The following FRMD4A variants were observed in gnomAD, a reference collection of about 807,000 sequenced individuals.
FRMD4A encodes FERM domain-containing protein 4A.
In FRMD4A, 29 loss-of-function variants were observed where a neutral mutation model predicts 129.1. The observed-to-expected ratio is 0.22, with a 90% CI of 0.17 to 0.31. The LOEUF is 0.31. Among genes scored for constraint, FRMD4A ranks in the 10% least tolerant of loss-of-function variants. The pLI is 1.00. For synonymous variants in FRMD4A, 634 were observed against 571.6 expected, an observed-to-expected ratio of 1.11 and a Z score of -1.56; for missense variants, 1,272 against 1,375.8, an observed-to-expected ratio of 0.92 and a Z score of 1.19.
intron 2 of FRMD4A, among the ~76,000 whole-genome samples, chr10:13,997,012 CAAAACA>C (rs2095624964): frequency 1.2e-5 from 1 of 81,052 alleles, no homozygotes; most frequent in Non-Finnish European, 2.9e-5. Flanking sequence ...CAAAACAAAA[CAAAACA>C]AAACAAAACA....
rs369798483 is a variant in FRMD4A, at chr10:13,740,823, G to GTTTTTTTTTTTTTTTTTTTTTTTTTTTT, written c.549-247_549-246insAAAAAAAAAAAAAAAAAAAAAAAAAAAA. 1.9e-5 allele frequency among the ~76,000 whole-genome samples: 2 copies of GTTTTTTTTTTTTTTTTTTTTTTTTTTTT among 105,108 alleles called. 1 individual carries two copies. Among genetic ancestry groups the GTTTTTTTTTTTTTTTTTTTTTTTTTTTT allele is most frequent in the Non-Finnish European group, 3.6e-5 (2 of 55,062 alleles). 69.0% of individuals were successfully genotyped at this position (105,108 alleles called of 152,430 possible). On this transcript the variant is annotated intron_variant, in intron 9 of 24. Coordinates refer to ENST00000357447, the MANE Select transcript of FRMD4A (RefSeq NM_018027.5). ...GACTTGCATTCTCTTTGTCTTGGAT[G>GTTTTTTTTTTTTTTTTTTTTTTTTTTTT]TTTGTTTTTTTTTTTTTTTTTGAGA... is the stretch of plus-strand genomic sequence containing the variant.
At chr10:14,142,978 T>C (rs1589066474) in intron 2 of FRMD4A, among the ~76,000 whole-genome samples, 1 of 151,806 alleles carries the variant, frequency 6.6e-6, no homozygotes, top group Non-Finnish European at 1.5e-5. Flanking sequence ...ATGGCTATGA[T>C]AAAAAAAATA....
At position 13,747,817 on chromosome 10, in the gene FRMD4A, T is replaced by C. The variant is rs368421314; in HGVS notation, c.467A>G (p.Asn156Ser). Residue 156 changes from asparagine (N) to serine (S), a missense_variant and splice_region_variant, in exon 9 of 25, where the codon AAT (asparagine) becomes AGT (serine). Asn to Ser is a conservative substitution (Grantham distance 46). Around this residue, in one of 2 missense-constraint regions of FRMD4A, gnomAD observed 300 missense variants for 483.6 expected, o/e 0.62. Coordinates refer to ENST00000357447, the MANE Select transcript of FRMD4A (RefSeq NM_018027.5). ...LQEAKGDFSS[N>S]EVVRSDLKKL... ...CTTCAAGTCACTCCTCACAACTTCA[T>C]TGCTGAAAGAGAGAATGCCCAGAAA... 5.1e-6 allele frequency: 8 copies of C among 1,578,156 alleles called. No individual in the cohort carries two copies. The highest frequency in any genetic ancestry group is 7.0e-6 in the Non-Finnish European group (8 of 1,147,382).
intron 23 of FRMD4A, 192 bp from the exon 24 acceptor site, chr10:13,652,166 T>A: frequency 1.7e-6 from 1 of 604,836 alleles, no homozygotes; most frequent in East Asian, 2.8e-5. Context: ...AATACCTAGT[T>A]TGTTAGGAGG....
At chr10:14,051,535 T>A (rs551598110) in intron 2 of FRMD4A, among the ~76,000 whole-genome samples, 79 of 152,314 alleles carry the variant, frequency 5.2e-4, no homozygotes, top group Middle Eastern at 3.4e-3. Context: ...CCACTTGGAT[T>A]GCAGGAAGAG....
chr10:14,238,399 T>C (rs1379574250), intron 2 of FRMD4A, among the ~76,000 whole-genome samples: 2 of 152,342 alleles, frequency 1.3e-5, no homozygotes, highest in African/African-American at 4.8e-5. Flanking sequence ...CCAACTTCAT[T>C]TCTTCCTTAG....
intron 2 of FRMD4A, among the ~76,000 whole-genome samples, chr10:14,322,802 T>A (rs1843115324): frequency 6.6e-6 from 1 of 152,222 alleles, no homozygotes; most frequent in Non-Finnish European, 1.5e-5. Context: ...TTAAGCTTCA[T>A]ATTCTGGCAT....
chr10:13,796,630 G>A (rs1406553044), intron 4 of FRMD4A, 42 bp from the exon 5 acceptor site: 6 of 1,106,750 alleles, frequency 5.4e-6, no homozygotes, highest in East Asian at 2.3e-5. Flanking sequence ...TTTGCATTTT[G>A]CAGAAGTTTT....
At chr10:13,851,836 G>T (rs2094144384) in intron 3 of FRMD4A, among the ~76,000 whole-genome samples, 1 of 151,492 alleles carries the variant, frequency 6.6e-6, no homozygotes, top group Admixed American at 6.6e-5. Context: ...GGAGGCGAAG[G>T]TTACAGTGAG....
At chr10:13,685,091 T>G in intron 15 of FRMD4A, 1 of 984,846 alleles carries the variant, frequency 1.0e-6, no homozygotes, top group Non-Finnish European at 1.2e-6. Context: ...CATTGCAGAC[T>G]GCAGGATAAA....
Position 13,656,987 on chromosome 10 carries a change from T to C in FRMD4A, c.2602A>G (p.Lys868Glu). 6.4e-7 allele frequency: 1 copy of C among 1,558,852 alleles called. No homozygotes were observed. Among genetic ancestry groups the C allele is most frequent in the Non-Finnish European group, 8.6e-7 (1 of 1,159,662 alleles). Reference protein sequence around the residue: ...EGHYSVKAQFKTSNSYTAGGL... With the variant: ...EGHYSVKAQFETSNSYTAGGL... The stretch of plus-strand genomic sequence containing the variant: ...CCCGCCGTGTAGGAGTTGGACGTCT[T>C]GAACTGAGCCTTGACGCTGTAGTGG... Residue 868 changes from lysine to glutamate, a missense_variant, in exon 22 of 25, where the codon AAG (lysine) becomes GAG (glutamate). Coordinates refer to ENST00000357447, the MANE Select transcript of FRMD4A (RefSeq NM_018027.5).
At chr10:13,848,609 C>T (rs61833448) in intron 3 of FRMD4A, among the ~76,000 whole-genome samples, 9 of 124,018 alleles carry the variant, frequency 7.3e-5, no homozygotes, top group Non-Finnish European at 1.3e-4. Flanking sequence ...TGTGTGTGTA[C>T]GTGTGTGTGT....
At chr10:14,072,737 T>A (rs992983220) in intron 2 of FRMD4A, among the ~76,000 whole-genome samples, 2 of 152,220 alleles carry the variant, frequency 1.3e-5, no homozygotes, top group African/African-American at 4.8e-5. Context: ...TTGTCTGCAA[T>A]CATTTCCCAC....
intron 2 of FRMD4A, among the ~76,000 whole-genome samples, chr10:14,028,640 G>T (rs891691951): frequency 6.6e-6 from 1 of 152,048 alleles, no homozygotes; most frequent in East Asian, 1.9e-4. Flanking sequence ...AAGGATAAAT[G>T]CTTGAGGGGA....
At chr10:13,774,613 A>C (rs2092550921) in intron 6 of FRMD4A, among the ~76,000 whole-genome samples, 1 of 152,188 alleles carries the variant, frequency 6.6e-6, no homozygotes, top group Admixed American at 6.5e-5. Context: ...CCAGATACCA[A>C]GACACTGATA....
chr10:13,874,354 C>T (rs572384336), intron 2 of FRMD4A, among the ~76,000 whole-genome samples: 1 of 151,592 alleles, frequency 6.6e-6, no homozygotes, highest in Non-Finnish European at 1.5e-5. Flanking sequence ...GAACTGCACT[C>T]TCTCCCCAAA....
chr10:13,764,931 C>T (rs1319839882), intron 6 of FRMD4A, among the ~76,000 whole-genome samples: 1 of 152,044 alleles, frequency 6.6e-6, no homozygotes, highest in Admixed American at 6.5e-5. Context: ...GGGAACAGAC[C>T]CCCTACTACT....
In FRMD4A at chr10:14,190,354, G is replaced by A. The variant is rs752093076; in HGVS notation, c.45+139704C>T. Among the ~76,000 whole-genome samples, 192 of 152,092 alleles carry A rather than the reference G, an allele frequency of 1.3e-3. 2 individuals are homozygous for A. Among genetic ancestry groups the A allele is most frequent in the African/African-American group, 4.6e-4 (19 of 41,414 alleles). On this transcript the variant is annotated intron_variant, in intron 2 of 24. Coordinates refer to ENST00000357447, the MANE Select transcript of FRMD4A (RefSeq NM_018027.5). ...TGCTGGAAGCCGATACTATGACACC[G>A]GGTTTTCTGTTTGTTTGTTTTTTGT...
chr10:13,841,324 T>C (rs2093961708), intron 3 of FRMD4A, among the ~76,000 whole-genome samples: 1 of 152,202 alleles, frequency 6.6e-6, no homozygotes, highest in Non-Finnish European at 1.5e-5. Flanking sequence ...ACCCTTGGAA[T>C]TTCCTGAGTA....
Sources: allele counts gnomAD v4.1 joint callset (sites outside exome capture counted in the v4.1 genomes callset), GRCh38; gene constraint gnomAD v4.1.1; regional missense constraint gnomAD v4.1.1; transcripts MANE v1.5; gene names NCBI Gene and HGNC (gene_info 2026-07-23, HGNC 2026-07-21).